The following CAPS2 variants were observed in gnomAD, a reference collection of about 807,000 sequenced individuals.
CAPS2 encodes calcyphosin-2.
A neutral mutation model predicts 86.5 loss-of-function variants in CAPS2; 98 were observed. That is an observed-to-expected ratio of 1.13 (90% CI 0.96 to 1.34). The LOEUF (loss-of-function observed/expected upper bound fraction) is 1.34, where lower values mean the gene tolerates loss of function less well. Ranked by LOEUF, CAPS2 falls within the 40% of genes most tolerant of loss-of-function variation. The pLI is 0.00. For synonymous variants in CAPS2, 210 were observed against 225.1 expected (o/e 0.93, Z 0.60); for missense variants, 729 against 686.8 (o/e 1.06, Z -0.69).
At chr12:75,320,187 A>G (rs2040166527) in intron 5 of CAPS2, among the ~76,000 whole-genome samples, 1 of 152,160 alleles carries the variant, frequency 6.6e-6, no homozygotes, top group Non-Finnish European at 1.5e-5. Context: ...TTATGGAAAT[A>G]TCTGCAAATA....
upstream of CAPS2, chr12:75,334,355 C>T (rs926440954): frequency 2.3e-6 from 1 of 427,418 alleles, no homozygotes; most frequent in African/African-American, 2.1e-5. Flanking sequence ...TCGACTGGCC[C>T]ATTGTCAGCA....
At chr12:75,366,577 C>T (rs1593849842) in intron 1 of CAPS2, among the ~76,000 whole-genome samples, 2 of 152,054 alleles carry the variant, frequency 1.3e-5, no homozygotes, top group South Asian at 4.1e-4. Context: ...AGAGAGGCAC[C>T]CTAAAACTAA....
intron 14 of CAPS2, among the ~76,000 whole-genome samples, chr12:75,285,769 ATGTATTATATC>A (rs2034764636): frequency 6.6e-6 from 1 of 151,912 alleles, no homozygotes; most frequent in Non-Finnish European, 1.5e-5. Flanking sequence ...AATACTTTTA[ATGTATTATATC>A]TGTGTTAATT....
intron 1 of CAPS2, among the ~76,000 whole-genome samples, chr12:75,376,962 C>T (rs2044682711): frequency 6.6e-6 from 1 of 152,076 alleles, no homozygotes; most frequent in Admixed American, 6.6e-5. Context: ...ATCATTTTGT[C>T]CAGGGAATTT....
chr12:75,292,228 A>G (rs560394383), intron 12 of CAPS2, among the ~76,000 whole-genome samples: 5 of 151,902 alleles, frequency 3.3e-5, no homozygotes, highest in Admixed American at 2.0e-4. Flanking sequence ...CACCACGCCC[A>G]GCTAATTTTT....
intron 1 of CAPS2, among the ~76,000 whole-genome samples, chr12:75,384,722 G>A (rs778882415): frequency 1.2e-4 from 19 of 152,102 alleles, no homozygotes; most frequent in East Asian, 1.2e-3. Context: ...ACAGACCAAC[G>A]TCTCTCATGA....
chr12:75,383,248 G>C (rs539396444), intron 1 of CAPS2, among the ~76,000 whole-genome samples: 1 of 152,230 alleles, frequency 6.6e-6, no homozygotes, highest in East Asian at 1.9e-4. Context: ...AATATTTGCA[G>C]AACATTGTCA....
intron 1 of CAPS2, among the ~76,000 whole-genome samples, chr12:75,349,042 GAA>G (rs2042636024): frequency 6.6e-6 from 1 of 151,974 alleles, no homozygotes; most frequent in African/African-American, 2.4e-5. Flanking sequence ...AGAGTTCACG[GAA>G]AAGAGTACCA....
intron 7 of CAPS2, chr12:75,305,769 C>T: frequency 1.4e-6 from 1 of 717,516 alleles, no homozygotes. Flanking sequence ...ATCTGGTTTC[C>T]AGACATGGTG....
intron 1 of CAPS2, among the ~76,000 whole-genome samples, chr12:75,350,789 A>G (rs1236207718): frequency 6.6e-6 from 1 of 152,224 alleles, no homozygotes; most frequent in Non-Finnish European, 1.5e-5. Flanking sequence ...GTGTCTCTTC[A>G]GCTGCAAATG....
At chr12:75,299,858 A>C in exon 9 of CAPS2, 1 of 1,529,054 alleles carries the variant, frequency 6.5e-7, no homozygotes, top group Non-Finnish European at 8.9e-7. Flanking sequence ...CCTACCATCA[A>C]ACTGTAATTT....
intron 1 of CAPS2, among the ~76,000 whole-genome samples, chr12:75,335,443 T>C (rs1229383428): frequency 6.6e-6 from 1 of 152,244 alleles, no homozygotes; most frequent in African/African-American, 2.4e-5. Flanking sequence ...TACAAAATTT[T>C]AAATACTTGA....
At chr12:75,340,152 A>G (rs528157967) in intron 1 of CAPS2, among the ~76,000 whole-genome samples, 2 of 149,758 alleles carry the variant, frequency 1.3e-5, no homozygotes, top group East Asian at 1.9e-4. Flanking sequence ...TATAAAATAT[A>G]TATGTATAAA....
At chr12:75,323,288 T>C in intron 2 of CAPS2, 66 bp from the exon 4 acceptor site, 2 of 1,274,774 alleles carry the variant, frequency 1.6e-6, no homozygotes, top group Non-Finnish European at 2.2e-6. Context: ...GCAAATCTTA[T>C]ATGTTACATG....
chr12:75,379,324 A>G (rs2044830700), intron 1 of CAPS2, among the ~76,000 whole-genome samples: 2 of 152,248 alleles, frequency 1.3e-5, no homozygotes, highest in South Asian at 2.1e-4. Context: ...TGCTAAAGCT[A>G]TGAGCAGAGG....
chr12:75,330,960 A>T (rs1414437943), upstream of CAPS2, among the ~76,000 whole-genome samples: 1 of 151,954 alleles, frequency 6.6e-6, no homozygotes, highest in Admixed American at 6.6e-5. Context: ...AATATTTTGT[A>T]TCTTTATATA....
chr12:75,329,172 G>A (rs2041064647), upstream of CAPS2, among the ~76,000 whole-genome samples: 1 of 152,166 alleles, frequency 6.6e-6, no homozygotes, highest in African/African-American at 2.4e-5. Context: ...AGAAGAATTC[G>A]AGGGGAATGA....
At chr12:75,305,508 G>C (rs963669210) in intron 7 of CAPS2, 1 of 608,270 alleles carries the variant, frequency 1.6e-6, no homozygotes, top group South Asian at 1.5e-5. Context: ...CCAGCTCCGA[G>C]GTGCATAGCA....
downstream of CAPS2, chr12:75,277,074 A>C: frequency 1.0e-6 from 1 of 984,662 alleles, no homozygotes. Flanking sequence ...ATTCTAACAA[A>C]ATACACCAAA....
Sources: allele counts gnomAD v4.1 joint callset (sites outside exome capture counted in the v4.1 genomes callset), GRCh38; gene constraint gnomAD v4.1.1; transcripts MANE v1.5; gene names NCBI Gene and HGNC (gene_info 2026-07-23, HGNC 2026-07-21).